Variants in TBXAS1 observed in about 807,000 individuals in gnomAD.
TBXAS1 encodes the protein thromboxane A synthase 1, also known as thromboxane-A synthase.
In TBXAS1, 48 loss-of-function variants were observed where a neutral mutation model predicts 60.7. That is an observed-to-expected ratio of 0.79 (90% CI 0.63 to 1.01). TBXAS1 has a LOEUF of 1.01. Ranked by LOEUF, TBXAS1 falls within the 50% of genes least tolerant of loss-of-function variation. The pLI is 0.00. For synonymous variants in TBXAS1, 287 were observed against 269.7 expected (o/e 1.06, Z -0.63); for missense variants, 685 against 686.3 (o/e 1.00, Z 0.02).
chr7:139,958,044 C>T (rs1283567107), intron 8 of TBXAS1, among the ~76,000 whole-genome samples: 1 of 152,164 alleles, frequency 6.6e-6, no homozygotes, highest in Non-Finnish European at 1.5e-5. Context: ...AACTGTCTCC[C>T]TAGTGCAAGC....
At chr7:139,953,172 G>A (rs571865410) in intron 5 of TBXAS1, among the ~76,000 whole-genome samples, 196 bp from the exon 6 acceptor site, 10 of 152,284 alleles carry the variant, frequency 6.6e-5, no homozygotes, top group African/African-American at 2.2e-4. Context: ...AGCTAAAATA[G>A]ACGTTTAGAG....
chr7:139,778,293 C>T (rs1796843805), upstream of TBXAS1: 1 of 152,282 alleles, frequency 6.6e-6, no homozygotes, highest in Non-Finnish European at 1.5e-5. The surrounding 1 kb of genome is among the most constrained non-coding windows in gnomAD (Gnocchi z 4.8). Flanking sequence ...GAGCCCAGCG[C>T]AGCCGAGCCG....
At chr7:139,967,878 C>T (rs376959625) in intron 9 of TBXAS1, among the ~76,000 whole-genome samples, 80 of 152,278 alleles carry the variant, frequency 5.3e-4, no homozygotes, top group African/African-American at 1.8e-3. Context: ...TTCACCTTCC[C>T]TCTGAACTTT....
intron 4 of TBXAS1, chr7:139,789,363 G>A (rs1382187480): frequency 1.3e-5 from 2 of 151,068 alleles, no homozygotes; most frequent in African/African-American, 2.4e-5. Context: ...TCCTGCCTCA[G>A]CCCCCAAAGT....
rs1298695543 is a variant in TBXAS1, at chr7:139,805,774, CT to C, written c.-80+18360del. 5.9e-4 allele frequency among the ~76,000 whole-genome samples: 68 copies of C among 114,880 alleles called. 1 individual carries two copies. The highest frequency in any genetic ancestry group is 4.1e-3 in the Middle Eastern group (1 of 246). 75.4% of individuals were successfully genotyped at this position (114,880 alleles called of 152,430 possible). A position where few individuals can be genotyped will look rare whatever the true frequency, so the allele number is the denominator to read the frequency against. On this transcript the variant is annotated intron_variant, in intron 4 of 16. Coordinates refer to the TBXAS1 transcript ENST00000336425. ...TCTTTCTTGTCTTTCTTTCTTTCTTCTTTTTTTTTTTTGAAACAGCCTGCTG... is the reference window on the plus strand; with the variant it reads ...TCTTTCTTGTCTTTCTTTCTTTCTTCTTTTTTTTTTTGAAACAGCCTGCTG...
At chr7:139,932,334 C>A (rs1376765744) in intron 4 of TBXAS1, among the ~76,000 whole-genome samples, 1 of 152,084 alleles carries the variant, frequency 6.6e-6, no homozygotes, top group Non-Finnish European at 1.5e-5. Context: ...GGCTTTTAGA[C>A]CAAACCCCTC....
Position 139,808,859 on chromosome 7 carries a change from T to C in TBXAS1, c.-79-20453T>C, listed in dbSNP as rs530308071. Among the ~76,000 whole-genome samples the C allele has an allele frequency of 1.3e-4, 20 of 152,278 alleles. No individual in the cohort carries two copies. In the East Asian group the frequency reaches 3.7e-3, roughly 28 times the overall value. ...AACATAGTACACATTTGGTGAATTA[T>C]GATTTAAAGAATTGATGGTGCCTTT... On this transcript the variant is annotated intron_variant, in intron 4 of 16. Transcript: ENST00000336425.
chr7:139,787,269 C>T (rs1432431126), intron 3 of TBXAS1: 1 of 152,156 alleles, frequency 6.6e-6, no homozygotes, highest in Non-Finnish European at 1.5e-5. Flanking sequence ...TTGCATTCCA[C>T]TTGCCCTAGG....
At chr7:139,938,437 C>G (rs548445554) in intron 5 of TBXAS1, among the ~76,000 whole-genome samples, 23 of 152,274 alleles carry the variant, frequency 1.5e-4, no homozygotes, top group Non-Finnish European at 1.6e-4. Context: ...TAGAAGTTCC[C>G]CACAAGGACA....
At chr7:139,891,459 C>T (rs922682339) in intron 3 of TBXAS1, among the ~76,000 whole-genome samples, 2 of 151,994 alleles carry the variant, frequency 1.3e-5, no homozygotes, top group East Asian at 1.9e-4. Flanking sequence ...ATGAAAAGGG[C>T]GTGTGGCTAG....
chr7:140,014,494 A>T (rs544708799), intron 10 of TBXAS1, among the ~76,000 whole-genome samples: 12 of 152,306 alleles, frequency 7.9e-5, no homozygotes, highest in Middle Eastern at 3.4e-3. Context: ...GCCAGGATTT[A>T]AGAGGCTGGT....
At chr7:139,949,018 T>C (rs1808982994) in intron 5 of TBXAS1, among the ~76,000 whole-genome samples, 1 of 152,250 alleles carries the variant, frequency 6.6e-6, no homozygotes, top group Admixed American at 6.5e-5. Flanking sequence ...AAAAATGTCA[T>C]TATCCATTCA....
intron 4 of TBXAS1, among the ~76,000 whole-genome samples, chr7:139,809,244 TA>T (rs66549683): frequency 0.11 from 6,485 of 59,656 alleles, 512 homozygotes; most frequent in African/African-American, 0.28. Flanking sequence ...GATAGATAGA[TA>T]GATAGATAGA....
At chr7:139,993,892 C>CTTTTTTTTTT (rs71170931) in intron 9 of TBXAS1, among the ~76,000 whole-genome samples, 2 of 111,706 alleles carry the variant, frequency 1.8e-5, no homozygotes, top group Non-Finnish European at 3.5e-5. Flanking sequence ...TTCTTTCTTT[C>CTTTTTTTTTT]TTTTTTTTTT....
Position 139,936,323 on chromosome 7 carries a change from T to C in TBXAS1, c.450+16T>C, listed in dbSNP as rs762990495. 6.2e-7 allele frequency: 1 copy of C among 1,611,116 alleles called. No individual in the cohort carries two copies. Among genetic ancestry groups the C allele is most frequent in the East Asian group, 2.2e-5 (1 of 44,878 alleles). On this transcript the variant is annotated intron_variant, in intron 5 of 12. Transcript: ENST00000448866. ...GCTGAACGAGGTAAGACATGAGAAATGCAAACTCTCTTCTCTTACGGAGCA... is the reference window on the plus strand; with the variant it reads ...GCTGAACGAGGTAAGACATGAGAAACGCAAACTCTCTTCTCTTACGGAGCA...
intron 1 of TBXAS1, among the ~76,000 whole-genome samples, chr7:139,859,586 C>T (rs535982901): frequency 6.6e-6 from 1 of 152,226 alleles, no homozygotes; most frequent in South Asian, 2.1e-4. Flanking sequence ...AAAATGAATT[C>T]ATTTCAATTT....
At chr7:139,890,937 T>C (rs1208904738) in intron 3 of TBXAS1, among the ~76,000 whole-genome samples, 2 of 152,170 alleles carry the variant, frequency 1.3e-5, no homozygotes, top group African/African-American at 4.8e-5. Flanking sequence ...TGCATTATCA[T>C]TTCGTGGATA....
intron 3 of TBXAS1, among the ~76,000 whole-genome samples, chr7:139,886,882 T>C (rs1803155937): frequency 1.3e-5 from 2 of 152,314 alleles, no homozygotes; most frequent in African/African-American, 4.8e-5. Flanking sequence ...AGGCTTAGCC[T>C]TCTCTGCTAG....
At chr7:139,877,571 C>T (rs1184894931) in intron 3 of TBXAS1, among the ~76,000 whole-genome samples, 3 of 151,798 alleles carry the variant, frequency 2.0e-5, no homozygotes, top group Admixed American at 6.6e-5. Flanking sequence ...TACAGGCGCC[C>T]GCCACCATGC....
Sources: gnomAD v4.1 joint callset for allele counts (sites outside exome capture counted in the v4.1 genomes callset) on GRCh38, gnomAD v4.1.1 for gene constraint, Gnocchi (gnomAD v3.1) non-coding constraint, MANE v1.5 for transcripts, NCBI Gene and HGNC (gene_info 2026-07-23, HGNC 2026-07-21) for gene names.